SYNPR: variants seen among roughly 807,000 people sequenced by gnomAD.
The protein encoded by SYNPR is synaptoporin.
Under a neutral mutation model 32.9 loss-of-function variants are expected in SYNPR, and 23 were observed. The ratio of observed to expected loss-of-function variants is 0.70; its 90% confidence interval spans 0.50 to 0.99. The LOEUF is 0.99. Ranked by LOEUF, SYNPR falls within the 50% of genes least tolerant of loss-of-function variation. SYNPR has a pLI of 0.00. For missense variants in SYNPR, 318 were observed against 349.3 expected (o/e 0.91, Z 0.71); for synonymous variants, 146 against 135.9 (o/e 1.07, Z -0.52).
chr3:63,471,159 G>A (rs1480548070), intron 2 of SYNPR, among the ~76,000 whole-genome samples: 4 of 152,134 alleles, frequency 2.6e-5, no homozygotes, highest in Admixed American at 2.0e-4. Context: ...AGAAGGGCAC[G>A]GTATTCAATT....
chr3:63,242,527 A>G (rs776946789), intron 1 of SYNPR, among the ~76,000 whole-genome samples: 11 of 152,124 alleles, frequency 7.2e-5, no homozygotes, highest in Non-Finnish European at 1.6e-4. Context: ...TAACACCACT[A>G]GTATGGAACA....
chr3:63,513,140 C>T (rs981527245), intron 3 of SYNPR, among the ~76,000 whole-genome samples: 1 of 151,360 alleles, frequency 6.6e-6, no homozygotes, highest in Non-Finnish European at 1.5e-5. Context: ...TAAAAATTCT[C>T]CACATATCCC....
intron 1 of SYNPR, among the ~76,000 whole-genome samples, chr3:63,248,373 T>C (rs1285609028): frequency 6.6e-6 from 1 of 152,046 alleles, no homozygotes; most frequent in Non-Finnish European, 1.5e-5. Flanking sequence ...ACGGGTGAAG[T>C]GTGGTGGTTG....
chr3:63,392,390 G>A (rs1023799698), intron 2 of SYNPR, among the ~76,000 whole-genome samples: 9 of 152,128 alleles, frequency 5.9e-5, no homozygotes, highest in Non-Finnish European at 8.8e-5. Flanking sequence ...GACCATACAC[G>A]CAAAAGAACC....
chr3:63,222,868 T>G, the SYNPR span, among the ~76,000 whole-genome samples: 1 of 152,168 alleles, frequency 6.6e-6, no homozygotes, highest in Admixed American at 6.5e-5. Context: ...TTGTTGTGTT[T>G]GTTGCCAGAA....
intron 2 of SYNPR, among the ~76,000 whole-genome samples, chr3:63,468,197 A>T (rs1303640238): frequency 5.9e-4 from 73 of 123,370 alleles, no homozygotes; most frequent in Middle Eastern, 7.5e-3. Context: ...TCCATCTCAA[A>T]AAAAAAAAAA....
the SYNPR span, among the ~76,000 whole-genome samples, chr3:63,200,650 T>A: frequency 2.6e-5 from 4 of 152,198 alleles, no homozygotes; most frequent in African/African-American, 9.6e-5. Flanking sequence ...AAAGTTTCTC[T>A]GCAAATACAT....
chr3:63,222,011 A>ATTTTTTTTTTTTTTTTTTTTTTTTTTTT, the SYNPR span, among the ~76,000 whole-genome samples: 122 of 56,404 alleles, frequency 2.2e-3, 20 homozygotes, highest in Non-Finnish European at 2.6e-3. Flanking sequence ...GCCATGCTCA[A>ATTTTTTTTTTTTTTTTTTTTTTTTTTTT]TTTTTTTTTT....
intron 2 of SYNPR, among the ~76,000 whole-genome samples, chr3:63,426,542 G>T (rs1212794037): frequency 6.6e-6 from 1 of 152,186 alleles, no homozygotes; most frequent in African/African-American, 2.4e-5. Context: ...CACGTATAGG[G>T]TGGAGTTCCA....
intron 3 of SYNPR, among the ~76,000 whole-genome samples, chr3:63,492,987 C>T (rs1701284011): frequency 6.6e-6 from 1 of 152,088 alleles, no homozygotes; most frequent in Non-Finnish European, 1.5e-5. Context: ...TATGTTATGT[C>T]ATGTGCCTTG....
intron 3 of SYNPR, among the ~76,000 whole-genome samples, chr3:63,534,394 T>G (rs1227385577): frequency 6.6e-6 from 1 of 152,146 alleles, no homozygotes; most frequent in African/African-American, 2.4e-5. Flanking sequence ...GTTCTAGAAA[T>G]TACATTTTTT....
intron 2 of SYNPR, among the ~76,000 whole-genome samples, chr3:63,465,241 G>A (rs1700654644): frequency 6.6e-6 from 1 of 151,912 alleles, no homozygotes; most frequent in East Asian, 1.9e-4. Flanking sequence ...CCCATAATGA[G>A]GCAGAACTAA....
intron 2 of SYNPR, among the ~76,000 whole-genome samples, chr3:63,288,105 A>G (rs1346368897): frequency 1.3e-5 from 2 of 152,224 alleles, no homozygotes; most frequent in Admixed American, 6.5e-5. Flanking sequence ...TGGTTCAACT[A>G]ACAAAAAAAT....
At chr3:63,401,228 C>G (rs1322069265) in intron 2 of SYNPR, among the ~76,000 whole-genome samples, 1 of 152,024 alleles carries the variant, frequency 6.6e-6, no homozygotes, top group African/African-American at 2.4e-5. Flanking sequence ...GTAAGGGAAA[C>G]AACAAAGTAA....
At chr3:63,340,419 A>AC (rs1553870463) in intron 2 of SYNPR, among the ~76,000 whole-genome samples, 5,377 of 128,448 alleles carry the variant, frequency 0.042, 414 homozygotes, top group African/African-American at 0.15. Flanking sequence ...AAAAAAATGT[A>AC]TTTTTTTTTT....
chr3:63,433,503 C>T (rs902270064), intron 2 of SYNPR, among the ~76,000 whole-genome samples: 3 of 152,186 alleles, frequency 2.0e-5, no homozygotes, highest in African/African-American at 7.2e-5. Context: ...TGCAGTAATA[C>T]ATAATCAACT....
chr3:63,368,046 G>A (rs971187060), intron 2 of SYNPR, among the ~76,000 whole-genome samples: 5 of 152,198 alleles, frequency 3.3e-5, no homozygotes, highest in South Asian at 2.1e-4. Context: ...ATTGAGAAAC[G>A]AGACATTGAT....
intron 3 of SYNPR, among the ~76,000 whole-genome samples, chr3:63,553,846 C>T (rs530198880): frequency 4.6e-5 from 7 of 152,192 alleles, no homozygotes; most frequent in East Asian, 3.9e-4. Context: ...CTCAGCCTCC[C>T]GAGTAGCTGG....
chr3:63,413,491 G>C (rs1008250878), intron 2 of SYNPR, among the ~76,000 whole-genome samples: 2 of 152,298 alleles, frequency 1.3e-5, no homozygotes, highest in African/African-American at 4.8e-5. Context: ...CACATAAAAA[G>C]CGAGATAGGA....
Sources: gnomAD v4.1 joint callset for allele counts (sites outside exome capture counted in the v4.1 genomes callset) on GRCh38, gnomAD v4.1.1 for gene constraint, MANE v1.5 for transcripts, NCBI Gene and HGNC (gene_info 2026-07-23, HGNC 2026-07-21) for gene names.